Variants in PTPRD observed in about 807,000 individuals in gnomAD.
PTPRD encodes the protein protein tyrosine phosphatase receptor type D, also known as receptor-type tyrosine-protein phosphatase delta.
In PTPRD, 34 loss-of-function variants were observed where a neutral mutation model predicts 214.5. The ratio of observed to expected loss-of-function variants is 0.16; its 90% CI spans 0.12 to 0.21. The LOEUF is 0.21. Among genes scored for constraint, PTPRD ranks in the 10% least tolerant of loss-of-function variants. The probability of loss-of-function intolerance (pLI) is 1.00; values close to 1 mark genes in which losing one functional copy is unlikely to be tolerated. For missense variants in PTPRD, 2,545 were observed against 2,398.7 expected (o/e 1.06, Z -1.27); for synonymous variants, 1,128 against 845.7 (o/e 1.33, Z -5.79).
At chr9:9,476,730 T>C (rs994639464) in intron 8 of PTPRD, among the ~76,000 whole-genome samples, 1 of 152,080 alleles carries the variant, frequency 6.6e-6, no homozygotes, top group African/African-American at 2.4e-5. Flanking sequence ...GCACTGATTT[T>C]TATTTTTTAT....
chr9:8,526,616 A>G lies in PTPRD; in HGVS notation c.568+11T>C, dbSNP rs2074232447. 8 of 1,580,726 alleles carry G rather than the reference A, an allele frequency of 5.1e-6. No homozygotes were observed. Among genetic ancestry groups the G allele is most frequent in the Admixed American group, 1.8e-5 (1 of 55,832 alleles). ...AAGATCATTCTGTGAACGTTAGTTC[A>G]GCACTCTTACCTCTTATTGGTGTAC... On this transcript the variant is annotated intron_variant, in intron 17 of 45. Coordinates refer to ENST00000381196, the MANE Select transcript of PTPRD (RefSeq NM_002839.4).
At chr9:9,319,593 A>G (rs565175392) in intron 9 of PTPRD, among the ~76,000 whole-genome samples, 1 of 152,300 alleles carries the variant, frequency 6.6e-6, no homozygotes, top group Admixed American at 6.5e-5. Flanking sequence ...TCATTTCCCC[A>G]TATGTCTTCT....
chr9:9,531,650 T>C (rs994790313), intron 8 of PTPRD, among the ~76,000 whole-genome samples: 15 of 152,276 alleles, frequency 9.9e-5, no homozygotes, highest in African/African-American at 3.6e-4. Flanking sequence ...TTATATTTTG[T>C]TTATCAATTC....
At chr9:8,943,907 C>T (rs2099048579) in intron 11 of PTPRD, among the ~76,000 whole-genome samples, 1 of 151,828 alleles carries the variant, frequency 6.6e-6, no homozygotes, top group Non-Finnish European at 1.5e-5. Flanking sequence ...ACTAGGATCA[C>T]ATCACATTAA....
chr9:10,017,484 C>A (rs1339821291), intron 4 of PTPRD, among the ~76,000 whole-genome samples: 1 of 151,936 alleles, frequency 6.6e-6, no homozygotes, highest in Non-Finnish European at 1.5e-5. Flanking sequence ...CTTATTTAAG[C>A]AAAGCTTGTC....
At chr9:9,367,843 T>C (rs2058307478) in intron 9 of PTPRD, among the ~76,000 whole-genome samples, 7 of 151,670 alleles carry the variant, frequency 4.6e-5, no homozygotes. Context: ...CTCACAGTCT[T>C]TTTATGTATT....
rs1285730312 is a variant in PTPRD, at chr9:9,934,735, C to T, written c.-368+3772G>A. Among the ~76,000 whole-genome samples, 5 of 151,678 alleles carry T rather than the reference C, an allele frequency of 3.3e-5. 1 individual carries two copies. Among genetic ancestry groups the T allele is most frequent in the Middle Eastern group, 3.2e-3 (1 of 316 alleles). On this transcript the variant is annotated intron_variant, in intron 5 of 45. Coordinates refer to ENST00000381196, the MANE Select transcript of PTPRD (RefSeq NM_002839.4). ...TCCCTAACTCATTTTATGAGGCCAG[C>T]ATCATTTTAATACCAAAGCCGGGCA...
At chr9:9,018,513 G>A (rs2099545807) in intron 11 of PTPRD, among the ~76,000 whole-genome samples, 184 bp downstream of exon 11, 1 of 152,038 alleles carries the variant, frequency 6.6e-6, no homozygotes, top group Non-Finnish European at 1.5e-5. Context: ...GAAAATTTAT[G>A]TATATTTTTT....
In PTPRD at chr9:9,363,456, G is replaced by T. The variant is rs928734668; in HGVS notation, c.-203+33993C>A. Among the ~76,000 whole-genome samples the T allele has an allele frequency of 4.0e-5, 6 of 151,228 alleles. No individual in the cohort carries two copies. The East Asian group carries it at 9.7e-4, about 24-fold the overall frequency. On this transcript the variant is annotated intron_variant, in intron 9 of 45. Transcript: ENST00000381196. ...TTTACTTAGAAATTAACTATATTTT[G>T]CTATGAGTTGTAGCATTTTATTTTT...
chr9:9,140,282 G>C (rs1432439932), intron 10 of PTPRD, among the ~76,000 whole-genome samples: 1 of 152,020 alleles, frequency 6.6e-6, no homozygotes, highest in African/African-American at 2.4e-5. Flanking sequence ...TATCTTGATA[G>C]ATTACATACA....
At chr9:9,491,050 G>A (rs1176605717) in intron 8 of PTPRD, among the ~76,000 whole-genome samples, 1 of 151,742 alleles carries the variant, frequency 6.6e-6, no homozygotes, top group Non-Finnish European at 1.5e-5. Context: ...CTGTATATAA[G>A]AGACTCTCTT....
At chr9:10,094,883 G>A (rs1053003570) in intron 3 of PTPRD, among the ~76,000 whole-genome samples, 5 of 151,256 alleles carry the variant, frequency 3.3e-5, no homozygotes, top group African/African-American at 4.8e-5. Flanking sequence ...ATTAGTAATC[G>A]TGGACTACTT....
intron 3 of PTPRD, among the ~76,000 whole-genome samples, chr9:10,062,032 AT>A (rs57494939): frequency 0.058 from 7,255 of 124,716 alleles, 483 homozygotes; most frequent in African/African-American, 0.25. Context: ...AGAACCATTG[AT>A]TGATTGATAC....
At chr9:10,133,848 AGTGCTTGTTAT>A (rs2098921448) in intron 3 of PTPRD, among the ~76,000 whole-genome samples, 1 of 152,160 alleles carries the variant, frequency 6.6e-6, no homozygotes, top group Non-Finnish European at 1.5e-5. Flanking sequence ...CACTGTGCTT[AGTGCTTGTTAT>A]GTGATTTTTT....
intron 33 of PTPRD, among the ~76,000 whole-genome samples, chr9:8,458,723 T>C (rs1414121717): frequency 6.6e-6 from 1 of 151,998 alleles, no homozygotes; most frequent in Non-Finnish European, 1.5e-5. Context: ...ATCTCTTACA[T>C]GGAGAGAGGT....
intron 3 of PTPRD, among the ~76,000 whole-genome samples, chr9:10,171,739 G>T (rs1300857951): frequency 6.6e-6 from 1 of 152,040 alleles, no homozygotes; most frequent in Non-Finnish European, 1.5e-5. Context: ...TAACCAGGAT[G>T]GTCTCGATCT....
chr9:9,480,792 T>A (rs1303803110), intron 8 of PTPRD, among the ~76,000 whole-genome samples: 1 of 151,920 alleles, frequency 6.6e-6, no homozygotes, highest in African/African-American at 2.4e-5. Flanking sequence ...TAGAGAAAAA[T>A]AAAAAGCATA....
At chr9:9,448,241 T>C (rs1324349781) in intron 8 of PTPRD, among the ~76,000 whole-genome samples, 1 of 152,100 alleles carries the variant, frequency 6.6e-6, no homozygotes, top group Non-Finnish European at 1.5e-5. Flanking sequence ...ATGAACACTC[T>C]GATACGGTTT....
intron 8 of PTPRD, among the ~76,000 whole-genome samples, chr9:9,446,350 C>G (rs766255633): frequency 2.0e-5 from 3 of 152,076 alleles, no homozygotes; most frequent in Admixed American, 1.3e-4. Flanking sequence ...GAGAGGATAC[C>G]TTATGTTCCA....
Sources: allele counts gnomAD v4.1 joint callset (sites outside exome capture counted in the v4.1 genomes callset), GRCh38; gene constraint gnomAD v4.1.1; transcripts MANE v1.5; gene names NCBI Gene and HGNC (gene_info 2026-07-23, HGNC 2026-07-21).